The following FMN1 variants were observed in gnomAD, a reference collection of about 807,000 sequenced individuals.
The protein encoded by FMN1 is formin 1.
Under a neutral mutation model 132.4 loss-of-function variants are expected in FMN1, and 110 were observed. The ratio of observed to expected loss-of-function variants is 0.83; its 90% confidence interval spans 0.71 to 0.97. The LOEUF (loss-of-function observed/expected upper bound fraction) is 0.97. FMN1 is among the 50% of genes least tolerant of loss of function. The probability of loss-of-function intolerance (pLI) is 0.00; values close to 1 mark genes in which losing one functional copy is unlikely to be tolerated. For missense variants in FMN1, 1,792 were observed against 1,705.3 expected, an observed-to-expected ratio of 1.05 and a Z score of -0.90; for synonymous variants, 722 against 651.7, an observed-to-expected ratio of 1.11 and a Z score of -1.64.
At chr15:33,188,144 C>T (rs1965951048) in intron 2 of FMN1, among the ~76,000 whole-genome samples, 1 of 150,752 alleles carries the variant, frequency 6.6e-6, no homozygotes, top group South Asian at 2.1e-4. Flanking sequence ...ACCAGCCTGG[C>T]CAAGATGGTG....
intron 9 of FMN1, among the ~76,000 whole-genome samples, chr15:32,938,215 T>G (rs76566864): frequency 3.4e-4 from 51 of 152,070 alleles, no homozygotes; most frequent in Non-Finnish European, 6.6e-4. Flanking sequence ...ATTCCCCTAC[T>G]AAAGGACAAT....
chr15:32,963,367 GA>G (rs2030814357), intron 9 of FMN1, among the ~76,000 whole-genome samples: 1 of 130,542 alleles, frequency 7.7e-6, no homozygotes, highest in Non-Finnish European at 1.6e-5. Flanking sequence ...TGGGGGGAGG[GA>G]AAGCACTGGG....
intron 9 of FMN1, 95 bp from the exon 10 acceptor site, chr15:32,926,356 C>A (rs928583128): frequency 7.7e-6 from 5 of 650,782 alleles, no homozygotes; most frequent in African/African-American, 7.6e-5. Flanking sequence ...TTTAGATACA[C>A]TGATTGATGA....
At chr15:33,062,490 C>T (rs1219811807) in intron 6 of FMN1, among the ~76,000 whole-genome samples, 5 of 152,136 alleles carry the variant, frequency 3.3e-5, no homozygotes, top group South Asian at 2.1e-4. Flanking sequence ...GGCATGGTGG[C>T]GGGCGCCTGT....
At position 33,008,003 on chromosome 15, in the gene FMN1, A is replaced by G. The variant is rs922027444; in HGVS notation, c.2223+11T>C. 6.3e-7 allele frequency: 1 copy of G among 1,594,994 alleles called. No homozygotes were observed. The highest frequency in any genetic ancestry group is 8.6e-7 in the Non-Finnish European group (1 of 1,169,114). On this transcript the variant is annotated intron_variant, in intron 7 of 20. Transcript: ENST00000616417. Reference sequence around the variant, plus strand: ...CTATAGAACCCGTTCAGTAGCATCAAAGAGGCATACCTGCAGGTTTTCAAT... The same window carrying G: ...CTATAGAACCCGTTCAGTAGCATCAGAGAGGCATACCTGCAGGTTTTCAAT...
At chr15:32,854,364 G>T (rs1482665977) in intron 17 of FMN1, among the ~76,000 whole-genome samples, 2 of 152,160 alleles carry the variant, frequency 1.3e-5, no homozygotes, top group Non-Finnish European at 2.9e-5. Context: ...TGAAATAATT[G>T]TAACAAGCTA....
intron 3 of FMN1, 60 bp downstream of exon 3, chr15:33,180,138 G>A (rs973994845): frequency 6.6e-6 from 1 of 152,154 alleles, no homozygotes; most frequent in African/African-American, 2.4e-5. Flanking sequence ...GGAGCCCAGG[G>A]CCAGAGCACA....
At position 32,969,433 on chromosome 15, in the gene FMN1, T is replaced by G. The variant is rs773707100; in HGVS notation, c.2268A>C (p.Ala756=). The change falls in exon 8 of 21, where the codon GCA becomes GCC. Residue 756 remains alanine (A), a synonymous_variant. Transcript: ENST00000616417. ...LRAFHIRGEH[A]MITARLEETI... ...TTTCTTCTAGTCTCGCTGTTATCAT[T>G]GCATGCTCGCCCCGGATATGAAATG... 6.2e-7 allele frequency: 1 copy of G among 1,614,030 alleles called. No individual in the cohort carries two copies. The highest frequency in any genetic ancestry group is 8.5e-7 in the Non-Finnish European group (1 of 1,179,904).
At chr15:32,894,437 T>C (rs575188760) in intron 15 of FMN1, among the ~76,000 whole-genome samples, 33 of 151,000 alleles carry the variant, frequency 2.2e-4, no homozygotes, top group African/African-American at 7.8e-4. Context: ...TGAGCCAAGA[T>C]TGCACCACTG....
At chr15:32,854,641 A>G (rs60595307) in intron 17 of FMN1, among the ~76,000 whole-genome samples, 30,616 of 151,982 alleles carry the variant, frequency 0.2, 3,158 homozygotes, top group East Asian at 0.32. Context: ...GGCCGGGCAC[A>G]GTGGCTCACG....
intron 4 of FMN1, among the ~76,000 whole-genome samples, chr15:33,152,024 T>A (rs1032888203): frequency 6.6e-6 from 1 of 152,228 alleles, no homozygotes; most frequent in African/African-American, 2.4e-5. Context: ...ATATTTTTTA[T>A]CTCAAAAATT....
chr15:32,781,030 C>T (rs555170371), intron 19 of FMN1, among the ~76,000 whole-genome samples: 2 of 152,108 alleles, frequency 1.3e-5, no homozygotes, highest in African/African-American at 4.8e-5. Flanking sequence ...CAATAATATG[C>T]CAAGTAGAAT....
rs144832067 is a variant in FMN1, at chr15:32,826,843, G to A, written c.3929-22511C>T. Reference sequence around the variant, plus strand: ...TCTTATGTCCTTCCCAGTTTTCCTAGCGCTGGCTCTTTCCAAAGCTACTCA... The same window carrying A: ...TCTTATGTCCTTCCCAGTTTTCCTAACGCTGGCTCTTTCCAAAGCTACTCA... On this transcript the variant is annotated intron_variant, in intron 17 of 20. Transcript: ENST00000616417. Among the ~76,000 whole-genome samples, 133 of 152,256 alleles carry A rather than the reference G, an allele frequency of 8.7e-4. 1 individual carries two copies. The highest frequency in any genetic ancestry group is 3.8e-3 in the Admixed American group (58 of 15,288).
chr15:33,160,535 A>T (rs1414126926), intron 3 of FMN1, among the ~76,000 whole-genome samples: 1 of 152,124 alleles, frequency 6.6e-6, no homozygotes, highest in East Asian at 1.9e-4. Flanking sequence ...AACCAGAGGA[A>T]AAAGAGCAGT....
intron 4 of FMN1, among the ~76,000 whole-genome samples, chr15:33,110,728 T>G (rs2039669668): frequency 6.6e-6 from 1 of 152,032 alleles, no homozygotes; most frequent in East Asian, 1.9e-4. Context: ...AGTCTTTTAT[T>G]TAAAAATGCA....
intron 3 of FMN1, among the ~76,000 whole-genome samples, chr15:33,156,681 G>A (rs369061166): frequency 1.3e-4 from 20 of 151,950 alleles, no homozygotes; most frequent in East Asian, 7.7e-4. Context: ...GTAAAAACTC[G>A]CTGCATGTGT....
intron 4 of FMN1, among the ~76,000 whole-genome samples, chr15:33,138,398 G>C (rs944067945): frequency 6.6e-6 from 1 of 152,070 alleles, no homozygotes; most frequent in African/African-American, 2.4e-5. Flanking sequence ...CTAATGCAAT[G>C]TGGCCTATGC....
intron 4 of FMN1, among the ~76,000 whole-genome samples, chr15:33,113,997 T>G (rs969975173): frequency 6.6e-6 from 1 of 152,328 alleles, no homozygotes; most frequent in East Asian, 1.9e-4. Context: ...CTCAGTTATC[T>G]AAGGTCCAAG....
At chr15:32,902,108 A>G (rs1206921987) in intron 12 of FMN1, 68 bp from the exon 13 acceptor site, 2 of 1,412,286 alleles carry the variant, frequency 1.4e-6, no homozygotes, top group African/African-American at 2.9e-5. Context: ...GACAGCTGAA[A>G]AAGACCCACT....
Sources: gnomAD v4.1 joint callset for allele counts (sites outside exome capture counted in the v4.1 genomes callset) on GRCh38, gnomAD v4.1.1 for gene constraint, MANE v1.5 for transcripts, NCBI Gene and HGNC (gene_info 2026-07-23, HGNC 2026-07-21) for gene names.